Variants in SEM1 observed in about 807,000 individuals in gnomAD.
The protein encoded by SEM1 is 26S proteasome complex subunit SEM1.
A neutral mutation model predicts 12.7 loss-of-function variants in SEM1; 3 were observed. The ratio of observed to expected loss-of-function variants is 0.24; its 90% CI spans 0.11 to 0.61. The LOEUF (loss-of-function observed/expected upper bound fraction) is 0.61, where lower values mean the gene tolerates loss of function less well. SEM1 is among the 20% of genes least tolerant of loss of function. The pLI is 0.88. For synonymous variants in SEM1, 30 were observed against 27.8 expected, an observed-to-expected ratio of 1.08 and a Z score of -0.25; for missense variants, 59 against 81.3, an observed-to-expected ratio of 0.73 and a Z score of 1.06.
chr7:96,638,740 A>C (rs1045566974), intron 2 of SEM1, among the ~76,000 whole-genome samples: 1 of 151,910 alleles, frequency 6.6e-6, no homozygotes, highest in African/African-American at 2.4e-5. Context: ...TTTTTAATTC[A>C]GGAGTGGATT....
intron 2 of SEM1, among the ~76,000 whole-genome samples, chr7:96,616,186 C>T (rs183659763): frequency 3.3e-5 from 5 of 152,088 alleles, no homozygotes; most frequent in Admixed American, 6.5e-5. Context: ...CTCTTTTCTT[C>T]ACATCCTTGC....
chr7:96,638,118 T>C (rs1808483404), intron 2 of SEM1, among the ~76,000 whole-genome samples: 1 of 152,110 alleles, frequency 6.6e-6, no homozygotes. Context: ...TACTCAGTTA[T>C]TAATGAGTCC....
At chr7:96,491,572 G>A (rs1402244097) in intron 1 of SEM1, among the ~76,000 whole-genome samples, 2 of 152,164 alleles carry the variant, frequency 1.3e-5, no homozygotes, top group Non-Finnish European at 2.9e-5. Context: ...CTGGGATTTG[G>A]GCTAGAGGCA....
chr7:96,576,947 G>A (rs939734360), intron 2 of SEM1, among the ~76,000 whole-genome samples: 4 of 152,066 alleles, frequency 2.6e-5, no homozygotes, highest in Admixed American at 6.6e-5. Context: ...GTGAAACCCC[G>A]TTTCTACTAA....
intron 2 of SEM1, among the ~76,000 whole-genome samples, chr7:96,629,290 AGCTATTTTCTAGATCCC>A (rs1470921476): frequency 2.0e-5 from 3 of 151,938 alleles, no homozygotes; most frequent in Non-Finnish European, 4.4e-5. Context: ...GCCCTTTTGC[AGCTATTTTCTAGATCCC>A]GCAGGTATGC....
chr7:96,612,978 T>A (rs1156560520), intron 2 of SEM1, among the ~76,000 whole-genome samples: 1 of 152,056 alleles, frequency 6.6e-6, no homozygotes, highest in African/African-American at 2.4e-5. Flanking sequence ...CTTTTTTAAA[T>A]GAAGAAAAGT....
At chr7:96,557,504 G>A (rs1397420025) in intron 2 of SEM1, among the ~76,000 whole-genome samples, 1 of 92,202 alleles carries the variant, frequency 1.1e-5, no homozygotes, top group African/African-American at 2.8e-5. Flanking sequence ...AGGCTGCTCG[G>A]GGGTCAGGGG....
upstream of SEM1, among the ~76,000 whole-genome samples, chr7:96,497,008 TACAC>T (rs933659887): frequency 2.3e-3 from 274 of 119,576 alleles, 3 homozygotes; most frequent in Admixed American, 4.5e-3. Context: ...CGAGCACGTA[TACAC>T]ACACACACAC....
At chr7:96,498,936 G>A (rs1425009885), upstream of SEM1, among the ~76,000 whole-genome samples, 1 of 151,934 alleles carries the variant, frequency 6.6e-6, no homozygotes, top group Admixed American at 6.6e-5. Flanking sequence ...TATTTTAATA[G>A]GTTTTCTATA....
chr7:96,629,504 C>T (rs1808180890), intron 2 of SEM1, among the ~76,000 whole-genome samples: 1 of 151,994 alleles, frequency 6.6e-6, no homozygotes, highest in Non-Finnish European at 1.5e-5. Context: ...TCAATCTCTA[C>T]TAAATTTGTC....
chr7:96,559,336 G>A (rs1206537758), intron 2 of SEM1, among the ~76,000 whole-genome samples: 1 of 152,100 alleles, frequency 6.6e-6, no homozygotes, highest in African/African-American at 2.4e-5. Context: ...AGGCTGGAGT[G>A]CAGTGGCACA....
intron 2 of SEM1, among the ~76,000 whole-genome samples, chr7:96,511,022 C>A (rs1337129974): frequency 6.6e-6 from 1 of 152,078 alleles, no homozygotes; most frequent in Non-Finnish European, 1.5e-5. Context: ...CACCATCAGT[C>A]TGGGTTTGAT....
chr7:96,630,971 G>T (rs1429963659), intron 2 of SEM1, among the ~76,000 whole-genome samples: 3 of 152,206 alleles, frequency 2.0e-5, no homozygotes, highest in Non-Finnish European at 2.9e-5. Flanking sequence ...GACTCTGACT[G>T]ATGTCCTATC....
At chr7:96,635,728 G>T (rs1808408508) in intron 2 of SEM1, among the ~76,000 whole-genome samples, 2 of 152,056 alleles carry the variant, frequency 1.3e-5, no homozygotes, top group African/African-American at 4.8e-5. Context: ...GCAAGGAGGT[G>T]GAGATAGCTA....
downstream of SEM1, among the ~76,000 whole-genome samples, chr7:96,618,018 T>A (rs944544643): frequency 4.6e-5 from 7 of 152,192 alleles, no homozygotes; most frequent in African/African-American, 1.7e-4. Context: ...CTGGTTTTGG[T>A]ATCAGGGTGA....
intron 2 of SEM1, among the ~76,000 whole-genome samples, chr7:96,662,138 G>T (rs968034035): frequency 6.6e-6 from 1 of 152,048 alleles, no homozygotes; most frequent in African/African-American, 2.4e-5. Context: ...TCTAGAACCA[G>T]AAATGCCATT....
intron 2 of SEM1, chr7:96,622,900 T>G (rs1035979007): frequency 7.8e-5 from 35 of 450,064 alleles, no homozygotes; most frequent in African/African-American, 6.7e-4. Context: ...ACAAATGCTT[T>G]GGGGTCAGTG....
chr7:96,484,903 A>G, intron 2 of SEM1: 1 of 1,189,396 alleles, frequency 8.4e-7, no homozygotes, highest in South Asian at 1.3e-5. Context: ...CCAACTTTCT[A>G]AATTGTCTTA....
At chr7:96,518,777 C>G (rs1458018168) in intron 2 of SEM1, among the ~76,000 whole-genome samples, 1 of 152,068 alleles carries the variant, frequency 6.6e-6, no homozygotes, top group African/African-American at 2.4e-5. Context: ...TTTATATCAT[C>G]CCCCCACTCC....
Sources: allele counts gnomAD v4.1 joint callset (sites outside exome capture counted in the v4.1 genomes callset), GRCh38; gene constraint gnomAD v4.1.1; transcripts MANE v1.5; gene names NCBI Gene and HGNC (gene_info 2026-07-23, HGNC 2026-07-21).